The following IGF1 variants were observed in gnomAD, a reference collection of about 807,000 sequenced individuals.
The protein encoded by IGF1 is insulin-like growth factor 1.
A neutral mutation model predicts 13.8 loss-of-function variants in IGF1; 4 were observed. The observed-to-expected ratio is 0.29, with a 90% CI of 0.14 to 0.66. IGF1 has a LOEUF of 0.66. Among genes scored for constraint, IGF1 ranks in the 30% least tolerant of loss-of-function variants. The pLI is 0.78. For synonymous variants in IGF1, 76 were observed against 72.6 expected (o/e 1.05, Z -0.23); for missense variants, 124 against 188.5 (o/e 0.66, Z 2.00).
At chr12:102,440,197 G>A (rs1178595424) in intron 2 of IGF1, among the ~76,000 whole-genome samples, 2 of 152,150 alleles carry the variant, frequency 1.3e-5, no homozygotes, top group East Asian at 1.9e-4. Flanking sequence ...CCTGGGAGGA[G>A]CTCAATTGTT....
intron 2 of IGF1, among the ~76,000 whole-genome samples, chr12:102,443,279 C>T (rs1046528676): frequency 6.6e-6 from 1 of 152,100 alleles, no homozygotes; most frequent in Non-Finnish European, 1.5e-5. Context: ...GTGAAAGTGT[C>T]ACATGAAAGC....
At chr12:102,480,682 G>A (rs1172406632), upstream of IGF1, 1 of 1,073,080 alleles carries the variant, frequency 9.3e-7, no homozygotes, top group African/African-American at 1.6e-5. Flanking sequence ...TATTGAGTAA[G>A]GACTTTTTTG....
chr12:102,400,237 T>C lies in IGF1; in HGVS notation c.*2270A>G, dbSNP rs993836710. The C allele has an allele frequency of 3.3e-5, 5 of 151,876 alleles. No homozygotes were observed. Among genetic ancestry groups the C allele is most frequent in the South Asian group, 2.1e-4 (1 of 4,774 alleles). The allele number at this position is 151,876 out of a possible 1,614,324, so 9.4% of individuals were successfully genotyped here. A position where few individuals can be genotyped will look rare whatever the true frequency, so the allele number is the denominator to read the frequency against. On this transcript the variant is annotated 3_prime_UTR_variant, in exon 4 of 4. Transcript: ENST00000337514. Reference sequence around the variant, plus strand: ...ATAGACTTTCCAAGAATGTAAAATATAGAATTTGCATGAAATAATCAAGCC... The same window carrying C: ...ATAGACTTTCCAAGAATGTAAAATACAGAATTTGCATGAAATAATCAAGCC...
intron 2 of IGF1, among the ~76,000 whole-genome samples, chr12:102,463,664 A>G (rs1270657225): frequency 6.6e-6 from 1 of 152,224 alleles, no homozygotes; most frequent in African/African-American, 2.4e-5. Context: ...AATTTTCTAG[A>G]AACTATTCTG....
At chr12:102,475,289 T>C (rs1165051767) in intron 2 of IGF1, among the ~76,000 whole-genome samples, 4 of 152,182 alleles carry the variant, frequency 2.6e-5, no homozygotes, top group African/African-American at 9.7e-5. Flanking sequence ...CATATGTTTA[T>C]ATGTGCGCCC....
At chr12:102,429,592 T>A (rs1027451137) in intron 2 of IGF1, among the ~76,000 whole-genome samples, 2 of 152,252 alleles carry the variant, frequency 1.3e-5, no homozygotes, top group Non-Finnish European at 2.9e-5. Context: ...TTATTTCATC[T>A]GGGACCAACA....
At chr12:102,430,765 A>G (rs914438933) in intron 2 of IGF1, among the ~76,000 whole-genome samples, 3 of 152,216 alleles carry the variant, frequency 2.0e-5, no homozygotes, top group African/African-American at 7.2e-5. Context: ...GGTAAAGGTC[A>G]GTTATGAAGT....
intron 2 of IGF1, among the ~76,000 whole-genome samples, chr12:102,473,340 A>G (rs1270127831): frequency 6.6e-6 from 1 of 152,210 alleles, no homozygotes; most frequent in Non-Finnish European, 1.5e-5. Flanking sequence ...ATTCATTTCT[A>G]GGCATCTCAT....
chr12:102,471,253 A>G (rs1355468794), intron 2 of IGF1, among the ~76,000 whole-genome samples: 1 of 152,204 alleles, frequency 6.6e-6, no homozygotes, highest in East Asian at 1.9e-4. Flanking sequence ...TCTTTCTTGA[A>G]TAGCACCAGA....
At chr12:102,417,945 T>G in intron 3 of IGF1, 1 of 1,613,784 alleles carries the variant, frequency 6.2e-7, no homozygotes, top group Non-Finnish European at 8.5e-7. Context: ...TGGATGTGTC[T>G]TTGGCCAACC....
chr12:102,471,236 A>G (rs1294615882), intron 2 of IGF1, among the ~76,000 whole-genome samples: 1 of 152,216 alleles, frequency 6.6e-6, no homozygotes, highest in Non-Finnish European at 1.5e-5. Context: ...CTTAAATCCA[A>G]GGTTGTTCTT....
intron 2 of IGF1, among the ~76,000 whole-genome samples, chr12:102,424,467 G>C (rs1483787950): frequency 6.6e-6 from 1 of 152,054 alleles, no homozygotes; most frequent in African/African-American, 2.4e-5. Context: ...TTTCACACCA[G>C]TTATTTATTT....
intron 2 of IGF1, among the ~76,000 whole-genome samples, chr12:102,474,881 C>G (rs1880915216): frequency 6.6e-6 from 1 of 152,210 alleles, no homozygotes; most frequent in South Asian, 2.1e-4. Flanking sequence ...TGGCTGTCTA[C>G]TTTTTACTGG....
chr12:102,447,699 G>A (rs887023605), intron 2 of IGF1, among the ~76,000 whole-genome samples: 5 of 151,944 alleles, frequency 3.3e-5, no homozygotes, highest in South Asian at 2.1e-4. Context: ...CTTTAATTAG[G>A]GCATTTAGCC....
upstream of IGF1, among the ~76,000 whole-genome samples, chr12:102,481,054 C>G (rs911327678): frequency 1.3e-5 from 2 of 152,156 alleles, no homozygotes; most frequent in African/African-American, 2.4e-5. Flanking sequence ...AGACAGCACT[C>G]GGGTGACCCC....
In IGF1 at chr12:102,450,809, C is replaced by A. The variant is rs73180989; in HGVS notation, c.220+24834G>T. Reference sequence around the variant, plus strand: ...CAATTTGAATAAGATTTCAATAATACTTTGGGCGGGTTTTCAGAGGAAGGA... The same window carrying A: ...CAATTTGAATAAGATTTCAATAATAATTTGGGCGGGTTTTCAGAGGAAGGA... On this transcript the variant is annotated intron_variant, in intron 2 of 3. Coordinates refer to ENST00000337514, the MANE Select transcript of IGF1 (RefSeq NM_000618.5). Among the ~76,000 whole-genome samples the A allele has an allele frequency of 8.7e-3, 1,322 of 152,272 alleles. 11 individuals carry two copies. The highest frequency in any genetic ancestry group is 0.014 in the Non-Finnish European group (949 of 68,032).
chr12:102,433,409 C>A (rs955059795), intron 2 of IGF1, among the ~76,000 whole-genome samples: 3 of 152,160 alleles, frequency 2.0e-5, no homozygotes, highest in Non-Finnish European at 4.4e-5. Context: ...CTCAACAGTT[C>A]AAGGATAATT....
Position 102,399,992 on chromosome 12 carries a change from T to C in IGF1, c.*2515A>G, listed in dbSNP as rs1210549945. ...TTCTTTTACATCTGTCCATAGTGAT[T>C]AGAACATTGCTAAGCATGCTTGAGG... On this transcript the variant is annotated 3_prime_UTR_variant, in exon 4 of 4. Transcript: ENST00000337514. 2.0e-5 allele frequency: 3 copies of C among 152,200 alleles called. No homozygotes were observed. Among genetic ancestry groups the C allele is most frequent in the Non-Finnish European group, 4.4e-5 (3 of 68,034 alleles). 9.4% of individuals were successfully genotyped at this position (152,200 alleles called of 1,614,324 possible).
At chr12:102,464,572 A>C (rs1388975675) in intron 2 of IGF1, among the ~76,000 whole-genome samples, 1 of 151,612 alleles carries the variant, frequency 6.6e-6, no homozygotes, top group Admixed American at 6.6e-5. Context: ...TAGCAGCAGT[A>C]GCAGTAGCCA....
Sources: gnomAD v4.1 joint callset for allele counts (sites outside exome capture counted in the v4.1 genomes callset) on GRCh38, gnomAD v4.1.1 for gene constraint, MANE v1.5 for transcripts, NCBI Gene and HGNC (gene_info 2026-07-23, HGNC 2026-07-21) for gene names.